The following STAU2 variants were observed in gnomAD, a reference collection of about 807,000 sequenced individuals.
STAU2 encodes double-stranded RNA-binding protein Staufen homolog 2.
STAU2 carries 20 observed loss-of-function variants against 65.9 expected under a neutral mutation model. The ratio of observed to expected loss-of-function variants is 0.30; its 90% confidence interval spans 0.21 to 0.44. STAU2 has a LOEUF of 0.44. STAU2 is among the 20% of genes least tolerant of loss of function. STAU2 has a pLI of 1.00. For missense variants in STAU2, 558 were observed against 683.9 expected, an observed-to-expected ratio of 0.82 and a Z score of 2.05; for synonymous variants, 232 against 233.9, an observed-to-expected ratio of 0.99 and a Z score of 0.07.
At chr8:73,699,481 G>A (rs936602751) in intron 4 of STAU2, among the ~76,000 whole-genome samples, 3 of 151,816 alleles carry the variant, frequency 2.0e-5, no homozygotes, top group African/African-American at 4.8e-5. Context: ...AGATGAAAAA[G>A]GAGACATTAC....
chr8:73,627,721 G>T (rs937633103), intron 6 of STAU2, among the ~76,000 whole-genome samples: 2 of 149,926 alleles, frequency 1.3e-5, no homozygotes, highest in East Asian at 2.0e-4. Context: ...TACTTGAATG[G>T]GAACACGGCT....
chr8:73,676,782 G>T (rs1055165965), intron 5 of STAU2, among the ~76,000 whole-genome samples: 1 of 152,098 alleles, frequency 6.6e-6, no homozygotes, highest in African/African-American at 2.4e-5. Flanking sequence ...TTTTAGTAAA[G>T]TTGGGGTTTC....
intron 12 of STAU2, among the ~76,000 whole-genome samples, chr8:73,577,290 T>C (rs542372301): frequency 6.6e-6 from 1 of 151,610 alleles, no homozygotes; most frequent in Non-Finnish European, 1.5e-5. Flanking sequence ...TAGCCGGGCG[T>C]GGTGGCAGGC....
intron 13 of STAU2, among the ~76,000 whole-genome samples, chr8:73,498,791 AC>A (rs1366759765): frequency 2.6e-5 from 4 of 151,780 alleles, no homozygotes; most frequent in Admixed American, 6.6e-5. Flanking sequence ...TTTTTCAACT[AC>A]CCCATGAGAC....
rs183462197 is a variant in STAU2, at chr8:73,551,114, C to T, written c.1530+898G>A. 3,763 of 987,418 alleles carry T rather than the reference C, an allele frequency of 3.8e-3. 14 individuals carry two copies. Among genetic ancestry groups the T allele is most frequent in the Non-Finnish European group, 4.2e-3 (3,525 of 830,044 alleles). The allele number at this position is 987,418 out of a possible 1,614,324, so 61.2% of individuals were successfully genotyped here. ...AAACTAGTTCATCCAGTCAAGTTAG[C>T]GGTTACAGTTCAGTACATGATTTTC... On this transcript the variant is annotated intron_variant, in intron 13 of 14. Transcript: ENST00000524300.
chr8:73,568,333 G>A lies in STAU2; in HGVS notation c.1222+14437C>T, dbSNP rs187655468. The stretch of plus-strand genomic sequence containing the variant: ...AGACTCAATGATTAAGCTGGGTGCA[G>A]TGGCTCATGCCTATAATCCTAACAC... On this transcript the variant is annotated intron_variant, in intron 12 of 14. Transcript: ENST00000524300. 1.2e-4 allele frequency among the ~76,000 whole-genome samples: 19 copies of A among 152,366 alleles called. 1 individual carries two copies. In the East Asian group the frequency reaches 3.3e-3, roughly 26 times the overall value.
chr8:73,646,750 T>A (rs1019850817), intron 6 of STAU2, among the ~76,000 whole-genome samples: 2 of 151,896 alleles, frequency 1.3e-5, no homozygotes, highest in African/African-American at 4.8e-5. Context: ...TTCTGCTCTA[T>A]GAAAAACTAT....
At chr8:73,664,524 G>C (rs901555298) in intron 6 of STAU2, among the ~76,000 whole-genome samples, 24 of 152,202 alleles carry the variant, frequency 1.6e-4, no homozygotes, top group Admixed American at 5.9e-4. Context: ...TCTGTCAAAT[G>C]TTTTTTCTGC....
chr8:73,433,603 C>T lies in STAU2; in HGVS notation c.1531-10901G>A, dbSNP rs77310658. Among the ~76,000 whole-genome samples the T allele has an allele frequency of 6.6e-5, 10 of 150,690 alleles. No individual in the cohort carries two copies. In the South Asian group the frequency reaches 1.0e-3, roughly 16 times the overall value. On this transcript the variant is annotated intron_variant, in intron 13 of 14. Coordinates refer to ENST00000524300, the MANE Select transcript of STAU2 (RefSeq NM_001164380.2). ...GCAATCTACGCTTCCCGGGTTCAAG[C>T]GATTCTTGTGCCTCAGCCTCCCGAG...
intron 13 of STAU2, among the ~76,000 whole-genome samples, chr8:73,523,364 T>C (rs1475497073): frequency 6.6e-6 from 1 of 151,790 alleles, no homozygotes; most frequent in Admixed American, 6.6e-5. Context: ...CCACATTTTC[T>C]CAGAATCAGG....
At chr8:73,477,456 T>G (rs1162473610) in intron 13 of STAU2, among the ~76,000 whole-genome samples, 1 of 152,236 alleles carries the variant, frequency 6.6e-6, no homozygotes, top group Non-Finnish European at 1.5e-5. Flanking sequence ...TGGGTCATGA[T>G]GTTAAATTCA....
intron 6 of STAU2, among the ~76,000 whole-genome samples, chr8:73,630,803 C>A (rs1010834053): frequency 2.0e-5 from 3 of 152,192 alleles, no homozygotes; most frequent in Non-Finnish European, 4.4e-5. Flanking sequence ...TTGTTGGCCT[C>A]TTTCCCTCTT....
intron 3 of STAU2, among the ~76,000 whole-genome samples, chr8:73,726,691 T>C (rs1805656462): frequency 6.6e-6 from 1 of 152,318 alleles, no homozygotes; most frequent in South Asian, 2.1e-4. Flanking sequence ...TCATCTCTAT[T>C]TTTATATTTT....
chr8:73,742,108 C>T (rs1009494099), intron 1 of STAU2: 39 of 617,072 alleles, frequency 6.3e-5, no homozygotes, highest in Non-Finnish European at 7.7e-5. Flanking sequence ...CACAGTGGCA[C>T]GTCTTTAAGA....
chr8:73,720,279 A>G (rs1821548539), intron 3 of STAU2, among the ~76,000 whole-genome samples: 1 of 151,588 alleles, frequency 6.6e-6, no homozygotes, highest in South Asian at 2.1e-4. Context: ...TCAAAAAAAA[A>G]GCTATTCAGG....
chr8:73,443,324 T>C (rs1235394895), intron 13 of STAU2, among the ~76,000 whole-genome samples: 7 of 152,216 alleles, frequency 4.6e-5, no homozygotes, highest in Non-Finnish European at 1.0e-4. Context: ...AGCAATAAGC[T>C]ATTTGGAATT....
intron 5 of STAU2, 98 bp from the exon 6 acceptor site, chr8:73,673,340 G>A: frequency 8.4e-7 from 1 of 1,197,124 alleles, no homozygotes. Context: ...CATGGAAGAA[G>A]GTAAGAATGG....
At chr8:73,527,067 T>A (rs946431768) in intron 13 of STAU2, among the ~76,000 whole-genome samples, 6 of 152,230 alleles carry the variant, frequency 3.9e-5, no homozygotes, top group African/African-American at 9.6e-5. Flanking sequence ...GTACATTTTC[T>A]ATGTTTAAAT....
chr8:73,675,200 G>A (rs1046702941), intron 5 of STAU2, among the ~76,000 whole-genome samples: 1 of 152,006 alleles, frequency 6.6e-6, no homozygotes, highest in Non-Finnish European at 1.5e-5. Flanking sequence ...ATGATTGTTG[G>A]GTCAACGATG....
Sources: allele counts gnomAD v4.1 joint callset (sites outside exome capture counted in the v4.1 genomes callset), GRCh38; gene constraint gnomAD v4.1.1; transcripts MANE v1.5; gene names NCBI Gene and HGNC (gene_info 2026-07-23, HGNC 2026-07-21).